The following KCTD20 variants were observed in gnomAD, a reference collection of about 807,000 sequenced individuals.
KCTD20 encodes BTB/POZ domain-containing protein KCTD20.
A neutral mutation model predicts 39.6 loss-of-function variants in KCTD20; 30 were observed. That is an observed-to-expected ratio of 0.76 (90% confidence interval 0.57 to 1.03). KCTD20 has a LOEUF of 1.03. KCTD20 is among the 50% of genes least tolerant of loss of function. The pLI, the probability that KCTD20 is intolerant of heterozygous loss-of-function variation, is 0.00. For missense variants in KCTD20, 422 were observed against 522.0 expected (o/e 0.81, Z 1.87); for synonymous variants, 162 against 180.6 (o/e 0.90, Z 0.83).
intron 3 of KCTD20, among the ~76,000 whole-genome samples, chr6:36,477,311 T>C (rs1776091503): frequency 6.6e-6 from 1 of 152,160 alleles, no homozygotes; most frequent in Non-Finnish European, 1.5e-5. Flanking sequence ...ATGGGGGGAT[T>C]ATAGTTACAA....
chr6:36,467,352 T>C (rs1775788736), intron 1 of KCTD20, among the ~76,000 whole-genome samples: 1 of 22,926 alleles, frequency 4.4e-5, no homozygotes, highest in Non-Finnish European at 9.7e-5. Context: ...TTTTTTTTTT[T>C]TTTTGAGACG....
At chr6:36,460,703 A>G (rs1775577160) in intron 1 of KCTD20, among the ~76,000 whole-genome samples, 1 of 152,166 alleles carries the variant, frequency 6.6e-6, no homozygotes, top group Non-Finnish European at 1.5e-5. Flanking sequence ...TTAAAGAGGA[A>G]AGGTGCTAGA....
rs192951470 is a variant in KCTD20, at chr6:36,475,184, G to A, written c.434+122G>A. 7.0e-3 allele frequency: 6,903 copies of A among 980,844 alleles called. 31 individuals carry two copies. The highest frequency in any genetic ancestry group is 8.8e-3 in the Non-Finnish European group (5,948 of 678,106). 60.8% of individuals were successfully genotyped at this position (980,844 alleles called of 1,614,324 possible). On this transcript the variant is annotated intron_variant, in intron 3 of 7. Transcript: ENST00000373731. The stretch of plus-strand genomic sequence containing the variant: ...GTATAGGTTGGGCGCGGTGGCTCAC[G>A]TCTGTAATCCCAGCACTTTGGGAGG...
chr6:36,446,772 G>C (rs1034057608), intron 1 of KCTD20, among the ~76,000 whole-genome samples: 28 of 152,214 alleles, frequency 1.8e-4, no homozygotes, highest in African/African-American at 6.5e-4. Context: ...TACGGATGAA[G>C]AAAGAGGGCC....
At chr6:36,454,872 T>C (rs1223893640) in intron 1 of KCTD20, among the ~76,000 whole-genome samples, 2 of 151,410 alleles carry the variant, frequency 1.3e-5, no homozygotes, top group Non-Finnish European at 2.9e-5. Context: ...GGTCTTGAAC[T>C]CCTGACCTCA....
intron 1 of KCTD20, among the ~76,000 whole-genome samples, chr6:36,461,605 C>T (rs1775600234): frequency 6.6e-6 from 1 of 151,968 alleles, no homozygotes; most frequent in Non-Finnish European, 1.5e-5. Flanking sequence ...AATGTAAATC[C>T]AAGTAACTCA....
At position 36,487,178 on chromosome 6, in the gene KCTD20, C is replaced by T. The variant is rs1776452393; in HGVS notation, c.*3C>T. 1 of 1,608,508 alleles carries T rather than the reference C, an allele frequency of 6.2e-7. No individual in the cohort carries two copies. The highest frequency in any genetic ancestry group is 1.1e-5 in the South Asian group (1 of 90,196). Reference sequence around the variant, plus strand: ...CTTCTAACGACTTTCAGGATTAGGGCCAGCTGTGGGTCTACTCCTTGTTGG... The same window carrying T: ...CTTCTAACGACTTTCAGGATTAGGGTCAGCTGTGGGTCTACTCCTTGTTGG... On this transcript the variant is annotated 3_prime_UTR_variant, in exon 8 of 8. Transcript: ENST00000373731.
At chr6:36,443,249 A>G (rs1774928637) in intron 1 of KCTD20, 138 bp downstream of exon 1, 1 of 152,438 alleles carries the variant, frequency 6.6e-6, no homozygotes, top group Non-Finnish European at 1.5e-5. Context: ...CCCCGAGTCG[A>G]AAGGCCGCGG....
chr6:36,447,940 G>A (rs1775101811), intron 1 of KCTD20, among the ~76,000 whole-genome samples: 1 of 150,726 alleles, frequency 6.6e-6, no homozygotes. Flanking sequence ...GCAGTGAACT[G>A]AGATCGTGCC....
chr6:36,455,006 C>A (rs1775389099), intron 1 of KCTD20, among the ~76,000 whole-genome samples: 1 of 152,132 alleles, frequency 6.6e-6, no homozygotes, highest in African/African-American at 2.4e-5. Flanking sequence ...TACTTTTAGG[C>A]TCCCAATGGA....
Position 36,487,311 on chromosome 6 carries a change from CAT to C in KCTD20, c.*139_*140del, listed in dbSNP as rs1776458012. 5 of 866,586 alleles carry C rather than the reference CAT, an allele frequency of 5.8e-6. No individual in the cohort carries two copies. Among genetic ancestry groups the C allele is most frequent in the Non-Finnish European group, 9.0e-6 (5 of 555,952 alleles). 53.7% of individuals were successfully genotyped at this position (866,586 alleles called of 1,614,324 possible). On this transcript the variant is annotated 3_prime_UTR_variant, in exon 8 of 8. Coordinates refer to ENST00000373731, the MANE Select transcript of KCTD20 (RefSeq NM_173562.5). ...ACCTTTTCCTTTCTGCCATAATTAA[CAT>C]ATGTCCTTTTCAGTAAGTCCATGCC...
At chr6:36,452,476 T>C (rs751147114) in intron 1 of KCTD20, 1 of 152,084 alleles carries the variant, frequency 6.6e-6, no homozygotes, top group Non-Finnish European at 1.5e-5. Context: ...ATCTTTTTAG[T>C]CTCATGGGAT....
At chr6:36,471,408 A>T (rs886775266) in intron 2 of KCTD20, among the ~76,000 whole-genome samples, 1 of 152,160 alleles carries the variant, frequency 6.6e-6, no homozygotes, top group Non-Finnish European at 1.5e-5. Flanking sequence ...CATCATGTCC[A>T]TATTGTCTAT....
Position 36,474,913 on chromosome 6 carries a change from T to C in KCTD20, c.285T>C (p.Ile95=). 1 of 1,614,166 alleles carries C rather than the reference T, an allele frequency of 6.2e-7. No homozygotes were observed. Among genetic ancestry groups the C allele is most frequent in the Non-Finnish European group, 8.5e-7 (1 of 1,180,036 alleles). The change falls in exon 3 of 8, where the codon ATT becomes ATC. Residue 95 remains isoleucine, a synonymous_variant. Coordinates refer to ENST00000373731, the MANE Select transcript of KCTD20 (RefSeq NM_173562.5). ...ATAAACGGAACCATGAACCTTTTAT[T>C]GCTCCAGAAAGATTTGGAAACAGTA... is the stretch of plus-strand genomic sequence containing the variant. The part of the protein sequence containing the change: ...SGNKRNHEPF[I]APERFGNSSV...
Position 36,484,286 on chromosome 6 carries a change from T to C in KCTD20, c.857-428T>C, listed in dbSNP as rs185997663. ...TTGTAATTTCCTTTTTTGTTAATAG[T>C]GTTTGTGCCTTTTGCCCATTACAAA... On this transcript the variant is annotated intron_variant, in intron 6 of 7. Transcript: ENST00000373731. 6.6e-5 allele frequency among the ~76,000 whole-genome samples: 10 copies of C among 152,300 alleles called. No individual in the cohort carries two copies. In the East Asian group the frequency reaches 1.9e-3, roughly 29 times the overall value.
At chr6:36,449,743 C>G (rs1194289563) in intron 1 of KCTD20, among the ~76,000 whole-genome samples, 6 of 152,124 alleles carry the variant, frequency 3.9e-5, no homozygotes, top group African/African-American at 1.4e-4. Context: ...GGATTAGGGC[C>G]CACCTTAATG....
Position 36,487,134 on chromosome 6 carries a change from G to GC in KCTD20, c.1223dup (p.Leu409ThrfsTer7). ...AGTGGATGAACTTGACCGGCTAAAT[G>GC]CCCCACTTTCTCAGATGGCTTCTAA... On this transcript the variant is annotated frameshift_variant, in exon 8 of 8. Coordinates refer to ENST00000373731, the MANE Select transcript of KCTD20 (RefSeq NM_173562.5). LOFTEE classifies it high-confidence loss of function. The GC allele has an allele frequency of 6.2e-7, 1 of 1,614,026 alleles. No homozygotes were observed. Among genetic ancestry groups the GC allele is most frequent in the Non-Finnish European group, 8.5e-7 (1 of 1,179,894 alleles).
At position 36,483,257 on chromosome 6, in the gene KCTD20, C is replaced by CTTT. The variant is rs1271097017; in HGVS notation, c.857-1454_857-1452dup. Among the ~76,000 whole-genome samples the CTTT allele has an allele frequency of 4.8e-5, 6 of 123,732 alleles. 2 individuals are homozygous for CTTT. The highest frequency in any genetic ancestry group is 1.4e-4 in the African/African-American group (4 of 29,312). 81.2% of individuals were successfully genotyped at this position (123,732 alleles called of 152,430 possible). ...TCCTACCCCCTCACCAAAACAGTGG[C>CTTT]TTTTTCTTTTTTTTTTTTTTTTTTT... On this transcript the variant is annotated intron_variant, in intron 6 of 7. Transcript: ENST00000373731.
intron 3 of KCTD20, 31 bp downstream of exon 3, chr6:36,475,093 TTC>T (rs1251880853): frequency 6.3e-7 from 1 of 1,595,634 alleles, no homozygotes; most frequent in South Asian, 1.1e-5. Flanking sequence ...TCCAAATTCA[TTC>T]TGTTCTCTAT....
Sources: allele counts gnomAD v4.1 joint callset (sites outside exome capture counted in the v4.1 genomes callset), GRCh38; gene constraint gnomAD v4.1.1; transcripts MANE v1.5; gene names NCBI Gene and HGNC (gene_info 2026-07-23, HGNC 2026-07-21).